The following CLIC5 variants were observed in gnomAD, a reference collection of about 807,000 sequenced individuals.
The protein encoded by CLIC5 is CLIC family member 5.
In CLIC5, 20 loss-of-function variants were observed where a neutral mutation model predicts 24.7. That is an observed-to-expected ratio of 0.81 (90% CI 0.57 to 1.18). The LOEUF (loss-of-function observed/expected upper bound fraction) is 1.18, where lower values mean the gene tolerates loss of function less well. Ranked by LOEUF, CLIC5 falls within the 50% of genes most tolerant of loss-of-function variation. The pLI is 0.00. For synonymous variants in CLIC5, 159 were observed against 135.6 expected (o/e 1.17, Z -1.20); for missense variants, 341 against 326.1 (o/e 1.05, Z -0.35).
At chr6:45,970,806 T>C (rs1765176106) in intron 1 of CLIC5, among the ~76,000 whole-genome samples, 1 of 152,202 alleles carries the variant, frequency 6.6e-6, no homozygotes, top group Non-Finnish European at 1.5e-5. Flanking sequence ...CAAGTCACTG[T>C]CTCGATCTGG....
rs1311381678 is a variant in CLIC5 at position 46,064,461 on chromosome 6, A to G, written c.540+15242T>C. ...TGGGCATTATCCTAATATTAAATCC[A>G]GACAAATACACCTGAATATTTCTCA... is the stretch of plus-strand genomic sequence containing the variant. On this transcript the variant is annotated intron_variant, in intron 1 of 5. Coordinates refer to the CLIC5 transcript ENST00000185206. 3.3e-5 allele frequency among the ~76,000 whole-genome samples: 5 copies of G among 152,284 alleles called. No homozygotes were observed. In the East Asian group the frequency reaches 9.6e-4, roughly 29 times the overall value.
At chr6:46,005,258 A>G (rs571956552) in intron 1 of CLIC5, among the ~76,000 whole-genome samples, 12 of 152,330 alleles carry the variant, frequency 7.9e-5, no homozygotes, top group Middle Eastern at 3.4e-3. Flanking sequence ...TTATTTCTCC[A>G]GTCGGACACT....
chr6:46,124,982 C>A, the CLIC5 span, among the ~76,000 whole-genome samples: 240 of 152,294 alleles, frequency 1.6e-3, 4 homozygotes, highest in African/African-American at 5.4e-3. Context: ...GTTGGTGGGA[C>A]TGTAAACTAG....
rs181308908 is a variant in CLIC5, at chr6:45,934,482, T to C, written c.406+7065A>G. ...CCTTGAAAGACTAAAACCATCCAGATTGGGCAAAACACCACTTAGTGCAGG... is the reference window on the plus strand; with the variant it reads ...CCTTGAAAGACTAAAACCATCCAGACTGGGCAAAACACCACTTAGTGCAGG... On this transcript the variant is annotated intron_variant, in intron 4 of 5. Transcript: ENST00000339561. Among the ~76,000 whole-genome samples, 245 of 152,192 alleles carry C rather than the reference T, an allele frequency of 1.6e-3. 4 individuals are homozygous for C. Among genetic ancestry groups the C allele is most frequent in the African/African-American group, 5.4e-3 (225 of 41,504 alleles).
intron 1 of CLIC5, among the ~76,000 whole-genome samples, chr6:46,072,737 A>T (rs1327227622): frequency 6.6e-6 from 1 of 152,172 alleles, no homozygotes; most frequent in Non-Finnish European, 1.5e-5. Context: ...AAAGGCTTAG[A>T]AAAGGATTTG....
chr6:45,936,637 C>T (rs1329284323), intron 4 of CLIC5, among the ~76,000 whole-genome samples: 2 of 152,102 alleles, frequency 1.3e-5, no homozygotes, highest in Non-Finnish European at 2.9e-5. Context: ...TGCCATGTTA[C>T]AAGGACAAGA....
chr6:46,123,367 C>T, the CLIC5 span, among the ~76,000 whole-genome samples: 6 of 152,102 alleles, frequency 3.9e-5, no homozygotes, highest in Non-Finnish European at 7.4e-5. Flanking sequence ...AAAAGGCCTT[C>T]CACAATATTC....
At chr6:46,039,543 C>A (rs1767750468) in intron 1 of CLIC5, among the ~76,000 whole-genome samples, 1 of 151,306 alleles carries the variant, frequency 6.6e-6, no homozygotes, top group African/African-American at 2.4e-5. Context: ...ATAAAATAAA[C>A]ATAAAAAGAA....
At chr6:45,929,720 A>G (rs35504515) in intron 4 of CLIC5, among the ~76,000 whole-genome samples, 1 of 152,220 alleles carries the variant, frequency 6.6e-6, no homozygotes, top group Non-Finnish European at 1.5e-5. Context: ...TGGGGCTCCC[A>G]GGCCTCTGCA....
intron 4 of CLIC5, among the ~76,000 whole-genome samples, chr6:45,918,558 C>A (rs1182183857): frequency 6.6e-6 from 1 of 152,250 alleles, no homozygotes; most frequent in African/African-American, 2.4e-5. Flanking sequence ...GAGAACAGCT[C>A]TGTGGGCCCA....
At chr6:45,963,729 G>C (rs1325268307) in intron 1 of CLIC5, among the ~76,000 whole-genome samples, 2 of 152,038 alleles carry the variant, frequency 1.3e-5, no homozygotes, top group Non-Finnish European at 2.9e-5. Flanking sequence ...CTTGGCTCAA[G>C]TCTCCCTTGT....
chr6:45,888,172 G>A (rs762477182), intron 6 of CLIC5, among the ~76,000 whole-genome samples: 1 of 152,148 alleles, frequency 6.6e-6, no homozygotes, highest in Non-Finnish European at 1.5e-5. Context: ...TTCCTGTGAG[G>A]CTTGAAGCAC....
intron 1 of CLIC5, among the ~76,000 whole-genome samples, chr6:46,030,198 C>T (rs1349539342): frequency 6.6e-6 from 1 of 152,102 alleles, no homozygotes; most frequent in Non-Finnish European, 1.5e-5. Flanking sequence ...CAATTTCTTC[C>T]CCAAATCCTG....
chr6:45,988,242 A>G (rs1325889122), intron 1 of CLIC5, among the ~76,000 whole-genome samples: 2 of 152,192 alleles, frequency 1.3e-5, no homozygotes, highest in African/African-American at 4.8e-5. Context: ...GGTCCCAAGC[A>G]AGTCCAAAAC....
At chr6:45,890,094 G>T (rs897689052) in intron 6 of CLIC5, among the ~76,000 whole-genome samples, 1 of 152,162 alleles carries the variant, frequency 6.6e-6, no homozygotes, top group Non-Finnish European at 1.5e-5. Flanking sequence ...GTAGTTTCTT[G>T]TTACTGAGTA....
At chr6:46,040,593 C>T (rs751275346) in intron 1 of CLIC5, among the ~76,000 whole-genome samples, 2 of 150,988 alleles carry the variant, frequency 1.3e-5, no homozygotes, top group African/African-American at 4.9e-5. Flanking sequence ...TGGTGGTGTT[C>T]GTGAAGTTGA....
At chr6:45,896,525 C>G (rs977668486), downstream of CLIC5, among the ~76,000 whole-genome samples, 3 of 152,224 alleles carry the variant, frequency 2.0e-5, no homozygotes, top group Non-Finnish European at 4.4e-5. Context: ...CCTCTCCAGT[C>G]TAATACTCCA....
chr6:46,001,052 G>A (rs1434658744), intron 1 of CLIC5, among the ~76,000 whole-genome samples: 1 of 152,214 alleles, frequency 6.6e-6, no homozygotes, highest in Non-Finnish European at 1.5e-5. Flanking sequence ...TGGAATGAAA[G>A]TTGCCTCGCC....
chr6:45,958,433 T>TATATATATATACACACACACACACACAC (rs1561964410), intron 1 of CLIC5, among the ~76,000 whole-genome samples: 68 of 4,758 alleles, frequency 0.014, 3 homozygotes, highest in Non-Finnish European at 0.059. Flanking sequence ...TATATATATA[T>TATATATATATACACACACACACACACAC]ATATATATAT....
Sources: gnomAD v4.1 joint callset for allele counts (sites outside exome capture counted in the v4.1 genomes callset) on GRCh38, gnomAD v4.1.1 for gene constraint, MANE v1.5 for transcripts, NCBI Gene and HGNC (gene_info 2026-07-23, HGNC 2026-07-21) for gene names.